COL24A1: variants seen among roughly 807,000 people sequenced by gnomAD.
COL24A1 encodes the protein collagen type XXIV alpha 1 chain.
A neutral mutation model predicts 253.9 loss-of-function variants in COL24A1; 224 were observed. The observed-to-expected ratio is 0.88, with a 90% CI of 0.79 to 0.99. The LOEUF is 0.99. COL24A1 is among the 50% of genes least tolerant of loss of function. The pLI is 0.00. For missense variants in COL24A1, 2,131 were observed against 2,068.5 expected (o/e 1.03, Z -0.59); for synonymous variants, 685 against 673.7 (o/e 1.02, Z -0.26).
chr1:85,896,502 T>C (rs1239820356), intron 28 of COL24A1, 93 bp from the exon 29 acceptor site: 6 of 470,604 alleles, frequency 1.3e-5, no homozygotes, highest in Non-Finnish European at 1.9e-5. Context: ...ATGTTGATGA[T>C]TTTTTTTTTT....
At chr1:85,833,345 G>C (rs1371738572) in intron 43 of COL24A1, among the ~76,000 whole-genome samples, 4 of 152,156 alleles carry the variant, frequency 2.6e-5, no homozygotes, top group Admixed American at 2.0e-4. Context: ...CATTTATGCA[G>C]CCAAAAAACA....
At chr1:85,806,091 A>G (rs1279951487) in intron 47 of COL24A1, among the ~76,000 whole-genome samples, 1 of 151,742 alleles carries the variant, frequency 6.6e-6, no homozygotes, top group East Asian at 1.9e-4. Context: ...AAAAAAAAAA[A>G]AAGAAAATGA....
chr1:85,977,037 C>T (rs1692755514), intron 20 of COL24A1, among the ~76,000 whole-genome samples: 1 of 152,202 alleles, frequency 6.6e-6, no homozygotes, highest in Non-Finnish European at 1.5e-5. Flanking sequence ...AAATGGATTA[C>T]ATCACAGGAC....
At chr1:86,010,720 G>A (rs1180277894) in intron 19 of COL24A1, among the ~76,000 whole-genome samples, 1 of 152,016 alleles carries the variant, frequency 6.6e-6, no homozygotes, top group Non-Finnish European at 1.5e-5. Context: ...GAGAATGATT[G>A]AATAAACTGA....
At chr1:85,971,037 T>C (rs1318048275) in intron 21 of COL24A1, among the ~76,000 whole-genome samples, 1 of 152,038 alleles carries the variant, frequency 6.6e-6, no homozygotes, top group East Asian at 1.9e-4. Flanking sequence ...ATAGCAAAAC[T>C]GTGTCTTTAC....
chr1:85,739,261 C>A (rs1570402803), intron 57 of COL24A1, among the ~76,000 whole-genome samples: 2 of 152,102 alleles, frequency 1.3e-5, no homozygotes, highest in Admixed American at 1.3e-4. Context: ...ATAAAAAATT[C>A]TTTATAAAAG....
intron 24 of COL24A1, among the ~76,000 whole-genome samples, chr1:85,920,364 T>C (rs72712740): frequency 6.6e-6 from 1 of 152,062 alleles, no homozygotes. Context: ...GAGCAAATGA[T>C]AAAACATTTG....
At chr1:86,133,408 G>T (rs1380195450) in intron 2 of COL24A1, among the ~76,000 whole-genome samples, 1 of 152,206 alleles carries the variant, frequency 6.6e-6, no homozygotes, top group Non-Finnish European at 1.5e-5. Flanking sequence ...AGTGGTGAGA[G>T]AGGGCATCCC....
chr1:85,802,624 T>G (rs190084664), intron 47 of COL24A1, among the ~76,000 whole-genome samples: 1 of 152,168 alleles, frequency 6.6e-6, no homozygotes, highest in East Asian at 1.9e-4. Flanking sequence ...AGTATATAAT[T>G]TGATAAACTG....
At chr1:85,987,422 A>G (rs1693813044) in intron 20 of COL24A1, among the ~76,000 whole-genome samples, 179 bp downstream of exon 20, 1 of 151,914 alleles carries the variant, frequency 6.6e-6, no homozygotes, top group African/African-American at 2.4e-5. Context: ...CTCAGTTCAT[A>G]TCAAACTAGA....
intron 24 of COL24A1, among the ~76,000 whole-genome samples, chr1:85,945,014 T>TC (rs1689155644): frequency 1.2e-5 from 1 of 84,122 alleles, no homozygotes; most frequent in Non-Finnish European, 2.4e-5. Context: ...TTTTTTTTTT[T>TC]TTTTTTTTTT....
chr1:85,919,103 A>T (rs1196410565), intron 24 of COL24A1, among the ~76,000 whole-genome samples: 1 of 152,130 alleles, frequency 6.6e-6, no homozygotes, highest in Admixed American at 6.5e-5. Context: ...CCACACAGGC[A>T]CTGCTCCTTA....
chr1:85,969,762 G>T (rs1691960873), intron 22 of COL24A1, among the ~76,000 whole-genome samples: 2 of 151,686 alleles, frequency 1.3e-5, no homozygotes, highest in Non-Finnish European at 2.9e-5. Flanking sequence ...CTTTGATCAT[G>T]TATACCAAAA....
chr1:85,829,417 C>T (rs1312635108), intron 43 of COL24A1, among the ~76,000 whole-genome samples: 3 of 151,176 alleles, frequency 2.0e-5, no homozygotes, highest in Non-Finnish European at 3.0e-5. Flanking sequence ...TTGCTCTTCT[C>T]GAGGAGTATC....
In COL24A1 at chr1:85,816,811, G is replaced by C. The variant is rs374137871; in HGVS notation, c.3928C>G (p.Pro1310Ala). The part of the protein sequence containing the change: ...GISGNPGKIG[P>A]PGKQGLPGIR... ...ACAGGAAGTCCCTGTTTTCCTGGTGGCCCAATTTTTCCAGGGTTTCCTGAA... is the reference window on the plus strand; with the variant it reads ...ACAGGAAGTCCCTGTTTTCCTGGTGCCCCAATTTTTCCAGGGTTTCCTGAA... The change falls in exon 47 of 60, where the codon CCA (proline) becomes GCA (alanine). Residue 1310 changes from proline to alanine, a missense_variant. By Grantham distance (27) the Pro-to-Ala change is conservative (BLOSUM62 -1). Transcript: ENST00000370571. 1.7e-4 allele frequency: 277 copies of C among 1,613,890 alleles called. No homozygotes were observed. In the African/African-American group the frequency reaches 3.4e-3, roughly 20 times the overall value.
At chr1:85,759,894 C>T (rs2101084741) in intron 55 of COL24A1, among the ~76,000 whole-genome samples, 1 of 152,230 alleles carries the variant, frequency 6.6e-6, no homozygotes, top group East Asian at 1.9e-4. Flanking sequence ...TCCTTTAGAA[C>T]TTGAACTTGT....
chr1:85,849,787 C>A (rs1677551471), intron 37 of COL24A1, among the ~76,000 whole-genome samples: 1 of 152,218 alleles, frequency 6.6e-6, no homozygotes, highest in Admixed American at 6.5e-5. Context: ...AACCCAAAGG[C>A]ATCCATCTCA....
At chr1:85,871,750 G>T (rs1680524770) in intron 35 of COL24A1, among the ~76,000 whole-genome samples, 1 of 152,050 alleles carries the variant, frequency 6.6e-6, no homozygotes, top group Non-Finnish European at 1.5e-5. Flanking sequence ...ATACTGAATG[G>T]GCAAAAAACT....
intron 14 of COL24A1, among the ~76,000 whole-genome samples, chr1:86,023,209 T>C (rs1245354843): frequency 6.6e-6 from 1 of 152,208 alleles, no homozygotes; most frequent in Non-Finnish European, 1.5e-5. Flanking sequence ...CCATCATTTT[T>C]CTGAAACCTT....
Sources: gnomAD v4.1 joint callset for allele counts (sites outside exome capture counted in the v4.1 genomes callset) on GRCh38, gnomAD v4.1.1 for gene constraint, MANE v1.5 for transcripts, NCBI Gene and HGNC (gene_info 2026-07-23, HGNC 2026-07-21) for gene names.